SLC4A10: variants seen among roughly 807,000 people sequenced by gnomAD.
SLC4A10 encodes sodium-driven chloride bicarbonate exchanger.
A neutral mutation model predicts 137.7 loss-of-function variants in SLC4A10; 42 were observed. The observed-to-expected ratio is 0.30, with a 90% CI of 0.24 to 0.39. SLC4A10 has a LOEUF of 0.39. Ranked by LOEUF, SLC4A10 falls within the 10% of genes least tolerant of loss-of-function variation. The probability of loss-of-function intolerance (pLI) is 1.00; values close to 1 mark genes in which losing one functional copy is unlikely to be tolerated. For synonymous variants in SLC4A10, 474 were observed against 464.1 expected (o/e 1.02, Z -0.27); for missense variants, 925 against 1,355.0 (o/e 0.68, Z 4.98).
intron 1 of SLC4A10, among the ~76,000 whole-genome samples, chr2:161,656,646 A>G (rs2105649013): frequency 6.6e-6 from 1 of 152,280 alleles, no homozygotes; most frequent in East Asian, 1.9e-4. Context: ...ATTTTTGCAT[A>G]AAAGTGATAT....
chr2:161,934,692 A>T (rs1691256367), intron 15 of SLC4A10, among the ~76,000 whole-genome samples: 1 of 152,000 alleles, frequency 6.6e-6, no homozygotes, highest in Non-Finnish European at 1.5e-5. Context: ...TTCTCTGATC[A>T]TTGGTGATTT....
rs528611565 is a variant in SLC4A10, at chr2:161,734,257, C to T, written c.49-36716C>T. Among the ~76,000 whole-genome samples the T allele has an allele frequency of 3.3e-5, 5 of 152,272 alleles. No individual in the cohort carries two copies. The South Asian group carries it at 6.2e-4, about 19-fold the overall frequency. ...CACCCAAATCTCATCTGGAATTGTA[C>T]TCCCATAATTCCTATGTGTTGTGGG... On this transcript the variant is annotated intron_variant, in intron 1 of 26. Coordinates refer to ENST00000446997, the MANE Select transcript of SLC4A10 (RefSeq NM_001178015.2).
intron 1 of SLC4A10, among the ~76,000 whole-genome samples, chr2:161,627,290 G>C (rs762836296): frequency 7.2e-5 from 11 of 152,058 alleles, no homozygotes; most frequent in Non-Finnish European, 1.3e-4. Flanking sequence ...GGAAAATGGA[G>C]AACTGGAAAA....
rs140005814 is a variant in SLC4A10 at position 161,930,599 on chromosome 2, G to A, written c.1998-12193G>A. Among the ~76,000 whole-genome samples the A allele has an allele frequency of 4.2e-3, 636 of 151,182 alleles. 3 individuals carry two copies. Among genetic ancestry groups the A allele is most frequent in the African/African-American group, 0.013 (558 of 41,338 alleles). On this transcript the variant is annotated intron_variant, in intron 15 of 26. Transcript: ENST00000446997. ...ATAATGAATTCATAGAAACTCAGGG[G>A]TTGGGTGATTTGCTAAGATCAATAG...
chr2:161,727,751 G>A (rs955412321), intron 1 of SLC4A10, among the ~76,000 whole-genome samples: 1 of 152,124 alleles, frequency 6.6e-6, no homozygotes, highest in Middle Eastern at 3.4e-3. Context: ...TAGAAAGAAT[G>A]AGAAAATTAG....
chr2:161,885,956 AT>A (rs996672865), intron 10 of SLC4A10, among the ~76,000 whole-genome samples: 6 of 151,944 alleles, frequency 3.9e-5, no homozygotes, highest in African/African-American at 1.5e-4. Context: ...ATTCAAAAAA[AT>A]TTAGCTGCAT....
chr2:161,955,902 A>C (rs773594355), intron 19 of SLC4A10, among the ~76,000 whole-genome samples: 18 of 152,188 alleles, frequency 1.2e-4, no homozygotes, highest in Non-Finnish European at 2.4e-4. Flanking sequence ...ACACTTACTA[A>C]ATTTGATTCT....
intron 2 of SLC4A10, among the ~76,000 whole-genome samples, chr2:161,794,897 G>T (rs1433491777): frequency 6.6e-6 from 1 of 151,948 alleles, no homozygotes; most frequent in Non-Finnish European, 1.5e-5. Flanking sequence ...GCCAGCTCTA[G>T]CATACCACTG....
rs537733217 is a variant in SLC4A10 at position 161,673,181 on chromosome 2, T to C, written c.48+48615T>C. 1.1e-3 allele frequency among the ~76,000 whole-genome samples: 169 copies of C among 152,320 alleles called. 2 individuals carry two copies. In the South Asian group the frequency reaches 0.019, roughly 18 times the overall value. On this transcript the variant is annotated intron_variant, in intron 1 of 26. Coordinates refer to ENST00000446997, the MANE Select transcript of SLC4A10 (RefSeq NM_001178015.2). ...TCACTACAACATTCATGGATGAGTG[T>C]TGAAAGAGTCTGAGGTTGTATCTGG... is the stretch of plus-strand genomic sequence containing the variant.
rs771107746 is a variant in SLC4A10 at position 161,903,995 on chromosome 2, CT to C, written c.1443-8del. ...GGGTTTCACTATTGTGTTTTCCCCCCTGTCTTAGGATTTTTGGGGGACTTAT... is the reference window on the plus strand; with the variant it reads ...GGGTTTCACTATTGTGTTTTCCCCCCGTCTTAGGATTTTTGGGGGACTTAT... On this transcript the variant is annotated splice_polypyrimidine_tract_variant and splice_region_variant and intron_variant, in intron 12 of 26. Transcript: ENST00000446997. 275 of 1,557,192 alleles carry C rather than the reference CT, an allele frequency of 1.8e-4. No homozygotes were observed. In the Admixed American group the frequency reaches 2.6e-3, roughly 15 times the overall value.
chr2:161,806,403 T>C (rs1425626139), intron 3 of SLC4A10, among the ~76,000 whole-genome samples: 1 of 152,174 alleles, frequency 6.6e-6, no homozygotes, highest in Non-Finnish European at 1.5e-5. Flanking sequence ...GAAAATGGAA[T>C]TTTCTTTTCT....
intron 3 of SLC4A10, among the ~76,000 whole-genome samples, chr2:161,836,532 GAA>G (rs1213205617): frequency 0.076 from 691 of 9,048 alleles, 13 homozygotes; most frequent in East Asian, 0.27. Context: ...GAGAGAGAGA[GAA>G]AGAAAGAAAG....
chr2:161,982,960 T>C (rs1000514781), intron 26 of SLC4A10, among the ~76,000 whole-genome samples: 50 of 152,316 alleles, frequency 3.3e-4, no homozygotes, highest in African/African-American at 1.2e-3. Context: ...TTAGTGTCTG[T>C]TTTTGAATTT....
intron 1 of SLC4A10, among the ~76,000 whole-genome samples, chr2:161,760,488 A>G (rs145590307): frequency 6.6e-6 from 1 of 152,180 alleles, no homozygotes; most frequent in Non-Finnish European, 1.5e-5. Flanking sequence ...TTTAAGGAGA[A>G]CCAAATCACT....
chr2:161,973,790 G>A (rs2105967848), intron 23 of SLC4A10, among the ~76,000 whole-genome samples: 1 of 152,280 alleles, frequency 6.6e-6, no homozygotes, highest in South Asian at 2.1e-4. Context: ...ACTTCTGGGG[G>A]ATATTGCTAA....
At chr2:161,860,337 C>T (rs1347428782) in intron 5 of SLC4A10, among the ~76,000 whole-genome samples, 1 of 151,960 alleles carries the variant, frequency 6.6e-6, no homozygotes, top group Non-Finnish European at 1.5e-5. Context: ...GTGTTCGAGC[C>T]TGGAAACATT....
At chr2:161,734,943 T>C (rs948100451) in intron 1 of SLC4A10, among the ~76,000 whole-genome samples, 2 of 151,934 alleles carry the variant, frequency 1.3e-5, no homozygotes, top group African/African-American at 4.8e-5. Context: ...GGTCTGATGG[T>C]TTTAAAGTTT....
At chr2:161,633,937 C>A (rs1194395671) in intron 1 of SLC4A10, among the ~76,000 whole-genome samples, 2 of 151,610 alleles carry the variant, frequency 1.3e-5, no homozygotes, top group Admixed American at 6.6e-5. Context: ...GGAATACTTG[C>A]AAAAATAGTA....
chr2:161,828,799 TATATATATATG>T (rs1559342965), intron 3 of SLC4A10, among the ~76,000 whole-genome samples: 37 of 126,596 alleles, frequency 2.9e-4, no homozygotes, highest in African/African-American at 1.0e-3. Flanking sequence ...TATATATATA[TATATATATATG>T]TATAATCTAC....
Sources: allele counts gnomAD v4.1 joint callset (sites outside exome capture counted in the v4.1 genomes callset), GRCh38; gene constraint gnomAD v4.1.1; transcripts MANE v1.5; gene names NCBI Gene and HGNC (gene_info 2026-07-23, HGNC 2026-07-21).